EXOC2: variants seen among roughly 807,000 people sequenced by gnomAD.
EXOC2 encodes the protein exocyst complex component 2.
Under a neutral mutation model 131.8 loss-of-function variants are expected in EXOC2, and 70 were observed. The ratio of observed to expected loss-of-function variants is 0.53; its 90% CI spans 0.44 to 0.65. The LOEUF (loss-of-function observed/expected upper bound fraction) is 0.65, where lower values mean the gene tolerates loss of function less well. EXOC2 is among the 30% of genes least tolerant of loss of function. EXOC2 has a pLI of 0.00. For synonymous variants in EXOC2, 411 were observed against 398.4 expected (o/e 1.03, Z -0.38); for missense variants, 923 against 1,108.6 (o/e 0.83, Z 2.38).
chr6:610,957 A>G (rs1400643904), intron 6 of EXOC2, among the ~76,000 whole-genome samples: 1 of 152,234 alleles, frequency 6.6e-6, no homozygotes, highest in Non-Finnish European at 1.5e-5. Flanking sequence ...GTCTTGGTTG[A>G]CTTGGAGTGA....
chr6:582,057 G>A (rs1758935406), intron 11 of EXOC2, among the ~76,000 whole-genome samples: 1 of 152,172 alleles, frequency 6.6e-6, no homozygotes, highest in African/African-American at 2.4e-5. Flanking sequence ...CACTAGAAGT[G>A]TAGAAATAAT....
At chr6:537,201 C>T (rs371278459) in intron 22 of EXOC2, among the ~76,000 whole-genome samples, 30 of 151,062 alleles carry the variant, frequency 2.0e-4, no homozygotes, top group Admixed American at 1.1e-3. Context: ...AGCGTACACT[C>T]GAGATGACGA....
At position 608,717 on chromosome 6, in the gene EXOC2, C is replaced by G. The variant is rs561124265; in HGVS notation, c.742+1381G>C. 3.9e-5 allele frequency among the ~76,000 whole-genome samples: 6 copies of G among 152,300 alleles called. No homozygotes were observed. In the South Asian group the frequency reaches 1.2e-3, roughly 32 times the overall value. ...ACATGAAACAGACCCTAGAATTTCC[C>G]AAACCGGAACAAGGATCTCCTTCTC... On this transcript the variant is annotated intron_variant, in intron 7 of 27. Transcript: ENST00000230449.
At chr6:556,154 T>C in intron 18 of EXOC2, 141 bp from the exon 19 acceptor site, 2 of 738,130 alleles carry the variant, frequency 2.7e-6, no homozygotes, top group East Asian at 5.2e-5. Flanking sequence ...GTGCGAAGAG[T>C]GGGCCTACTG....
Position 488,983 on chromosome 6 carries a change from T to C in EXOC2, c.2677A>G (p.Lys893Glu). 2 of 1,614,050 alleles carry C rather than the reference T, an allele frequency of 1.2e-6. No homozygotes were observed. The highest frequency in any genetic ancestry group is 1.7e-6 in the Non-Finnish European group (2 of 1,179,938). ...AGAACAGCACACAGGACTTACTTTT[T>C]ATCTGCTCCACTGGAAAGCTGGGGC... ...ALPQLSSGAD[K>E]KLLEELLNKF... The change falls in exon 27 of 28, where the codon AAA (lysine) becomes GAA (glutamate). Residue 893 changes from lysine (K) to glutamate (E), a missense_variant. Lys to Glu is a moderately conservative substitution (Grantham distance 56, BLOSUM62 1). Coordinates refer to ENST00000230449, the MANE Select transcript of EXOC2 (RefSeq NM_018303.6).
chr6:554,005 C>A, intron 20 of EXOC2, 85 bp from the exon 21 acceptor site: 1 of 1,027,218 alleles, frequency 9.7e-7, no homozygotes, highest in Non-Finnish European at 1.5e-6. Flanking sequence ...TTTAAACGTG[C>A]AATGAATTAT....
At chr6:690,850 C>T (rs991735884) in intron 1 of EXOC2, among the ~76,000 whole-genome samples, 1 of 152,182 alleles carries the variant, frequency 6.6e-6, no homozygotes, top group African/African-American at 2.4e-5. Flanking sequence ...AGCAGGCAGT[C>T]CAGAAGGTCC....
chr6:493,804 G>A (rs1160216511), intron 25 of EXOC2, among the ~76,000 whole-genome samples: 1 of 152,118 alleles, frequency 6.6e-6, no homozygotes, highest in Non-Finnish European at 1.5e-5. Context: ...GGCCCGAGGA[G>A]GTCTCAAAAA....
intron 11 of EXOC2, among the ~76,000 whole-genome samples, chr6:590,153 C>G (rs912995413): frequency 6.6e-6 from 1 of 151,660 alleles, no homozygotes; most frequent in Non-Finnish European, 1.5e-5. Flanking sequence ...CTCTGATGGG[C>G]CCTTAAGGTT....
Position 553,841 on chromosome 6 carries a change from T to C in EXOC2, c.2121+13A>G, listed in dbSNP as rs750053744. The C allele has an allele frequency of 7.5e-6, 12 of 1,608,172 alleles. No homozygotes were observed. The South Asian group carries it at 7.7e-5, about 10-fold the overall frequency. ...TTTAAAATGGTTTACTTTCTAGTTA[T>C]CGTCTGACTTACTGAGGTCAAGCTG... On this transcript the variant is annotated intron_variant, in intron 21 of 27. Transcript: ENST00000230449.
At chr6:495,299 G>C (rs1323826616) in intron 25 of EXOC2, among the ~76,000 whole-genome samples, 1 of 150,394 alleles carries the variant, frequency 6.6e-6, no homozygotes, top group African/African-American at 2.5e-5. Context: ...CTAATTTTTT[G>C]TATTTTTAGT....
intron 22 of EXOC2, among the ~76,000 whole-genome samples, chr6:544,672 T>C (rs1756737857): frequency 6.6e-6 from 1 of 152,202 alleles, no homozygotes; most frequent in Admixed American, 6.5e-5. Context: ...ACTTGAAATT[T>C]AGTGATATTC....
intron 21 of EXOC2, among the ~76,000 whole-genome samples, chr6:551,555 T>A (rs866687232): frequency 6.6e-6 from 1 of 152,134 alleles, no homozygotes; most frequent in South Asian, 2.1e-4. Context: ...CAGGGCTGAC[T>A]CTTGTGCTCC....
Position 539,117 on chromosome 6 carries a change from G to A in EXOC2, c.2239-6507C>T, listed in dbSNP as rs6906785. On this transcript the variant is annotated intron_variant, in intron 22 of 27. Transcript: ENST00000230449. ...TATCATAAGTAGAAAATGCGCTTAC[G>A]ATATTTTCAATTTTGGAAGGGTTTA... Among the ~76,000 whole-genome samples the A allele has an allele frequency of 2.2e-3, 329 of 151,762 alleles. 2 individuals are homozygous for A. The highest frequency in any genetic ancestry group is 7.2e-3 in the African/African-American group (298 of 41,368).
At chr6:517,800 C>A (rs1357523504) in intron 23 of EXOC2, among the ~76,000 whole-genome samples, 1 of 152,032 alleles carries the variant, frequency 6.6e-6, no homozygotes, top group Non-Finnish European at 1.5e-5. Flanking sequence ...TCATTATTAA[C>A]CACAAATTTA....
intron 6 of EXOC2, among the ~76,000 whole-genome samples, chr6:614,195 ATAATC>A (rs1360739061): frequency 6.6e-6 from 1 of 151,966 alleles, no homozygotes. Context: ...GCCACACTAG[ATAATC>A]TAACAATGGA....
At chr6:553,032 C>T (rs1287364355) in intron 21 of EXOC2, among the ~76,000 whole-genome samples, 1 of 152,204 alleles carries the variant, frequency 6.6e-6, no homozygotes, top group Non-Finnish European at 1.5e-5. Context: ...ATTCTCCTGC[C>T]TCAGCCTCCC....
rs1357190879 is a variant in EXOC2, at chr6:564,555, G to C, written c.1657C>G (p.Gln553Glu). The change falls in exon 15 of 28, where the codon CAG becomes GAG. Residue 553 changes from glutamine (Q) to glutamate (E), a missense_variant. By Grantham distance (29) the Gln-to-Glu change is conservative. Transcript: ENST00000230449. ...LSGQWLAHAIQTVRLTHESLT... is the reference protein window; with the variant it reads ...LSGQWLAHAIETVRLTHESLT... ...TGTGTCCATACTCACCTTACAGTCT[G>C]GATGGCGTGAGCGAGCCACTGTCCG... 16 of 1,614,174 alleles carry C rather than the reference G, an allele frequency of 9.9e-6. No individual in the cohort carries two copies. The highest frequency in any genetic ancestry group is 1.4e-5 in the Non-Finnish European group (16 of 1,180,040).
At chr6:489,727 T>C (rs1763310367) in intron 26 of EXOC2, among the ~76,000 whole-genome samples, 1 of 152,270 alleles carries the variant, frequency 6.6e-6, no homozygotes, top group South Asian at 2.1e-4. Flanking sequence ...AGTTCTTTTA[T>C]CTCTCTTATG....
Sources: gnomAD v4.1 joint callset for allele counts (sites outside exome capture counted in the v4.1 genomes callset) on GRCh38, gnomAD v4.1.1 for gene constraint, MANE v1.5 for transcripts, NCBI Gene and HGNC (gene_info 2026-07-23, HGNC 2026-07-21) for gene names.